Variants in BANK1 observed in about 807,000 individuals in gnomAD.
BANK1 encodes the protein B-cell scaffold protein with ankyrin repeats.
In BANK1, 95 loss-of-function variants were observed where a neutral mutation model predicts 94.5. The observed-to-expected ratio is 1.00, with a 90% CI of 0.85 to 1.19. The LOEUF is 1.19. Ranked by LOEUF, BANK1 falls within the 50% of genes most tolerant of loss-of-function variation. The pLI is 0.00. For synonymous variants in BANK1, 334 were observed against 308.4 expected (o/e 1.08, Z -0.87); for missense variants, 987 against 932.2 (o/e 1.06, Z -0.77).
chr4:102,056,189 T>A (rs1728222826), intron 11 of BANK1, among the ~76,000 whole-genome samples: 1 of 152,168 alleles, frequency 6.6e-6, no homozygotes, highest in Admixed American at 6.5e-5. Flanking sequence ...AGACTGTACA[T>A]GACAACACAT....
chr4:101,800,290 AAAAG>A (rs1725316068), intron 1 of BANK1, among the ~76,000 whole-genome samples: 1 of 152,110 alleles, frequency 6.6e-6, no homozygotes, highest in Admixed American at 6.5e-5. Flanking sequence ...TTTAAAAAAA[AAAAG>A]AAAAGAAAAA....
At chr4:101,912,330 AGG>A (rs1722689723) in intron 6 of BANK1, among the ~76,000 whole-genome samples, 1 of 152,098 alleles carries the variant, frequency 6.6e-6, no homozygotes, top group African/African-American at 2.4e-5. Flanking sequence ...AAAAATCTTA[AGG>A]TTTGAAAACT....
chr4:101,996,411 C>T (rs182857495), intron 7 of BANK1, among the ~76,000 whole-genome samples: 1 of 152,246 alleles, frequency 6.6e-6, no homozygotes, highest in East Asian at 1.9e-4. Context: ...GCTATATGGG[C>T]TCTTTTTTGA....
At chr4:101,874,351 A>C (rs531788039) in intron 5 of BANK1, among the ~76,000 whole-genome samples, 16 of 152,200 alleles carry the variant, frequency 1.1e-4, no homozygotes, top group Non-Finnish European at 2.2e-4. Context: ...TCATTGAATT[A>C]AAGCTTAGAT....
intron 4 of BANK1, among the ~76,000 whole-genome samples, chr4:101,864,685 C>G (rs1578365080): frequency 6.6e-6 from 1 of 152,098 alleles, no homozygotes; most frequent in African/African-American, 2.4e-5. Flanking sequence ...TTTATGGGAG[C>G]CTTCAGAAAT....
At chr4:101,861,324 G>A (rs1305537030) in intron 3 of BANK1, among the ~76,000 whole-genome samples, 1 of 152,138 alleles carries the variant, frequency 6.6e-6, no homozygotes, top group Non-Finnish European at 1.5e-5. Context: ...AGTTTTATTG[G>A]TGAGTAATTT....
chr4:101,837,165 TTTGA>T (rs746676445), intron 2 of BANK1, among the ~76,000 whole-genome samples: 5 of 152,368 alleles, frequency 3.3e-5, no homozygotes, highest in African/African-American at 9.6e-5. Context: ...AAACACTTAC[TTTGA>T]TTGTTCACAA....
At chr4:102,034,599 G>A (rs1727437168) in intron 10 of BANK1, among the ~76,000 whole-genome samples, 1 of 152,176 alleles carries the variant, frequency 6.6e-6, no homozygotes, top group Non-Finnish European at 1.5e-5. Flanking sequence ...AGTAGTGCTG[G>A]AGTGTGTGAG....
intron 7 of BANK1, among the ~76,000 whole-genome samples, chr4:101,936,397 A>G (rs973140516): frequency 2.7e-5 from 4 of 150,224 alleles, no homozygotes; most frequent in African/African-American, 9.7e-5. Context: ...ACATGCATGT[A>G]TATATGTGCG....
chr4:101,907,322 G>C (rs1056638047), intron 6 of BANK1, among the ~76,000 whole-genome samples: 1 of 152,188 alleles, frequency 6.6e-6, no homozygotes, highest in Non-Finnish European at 1.5e-5. Context: ...TATCTCAATA[G>C]ATGCAGAAAA....
At chr4:101,958,138 T>C (rs530727463) in intron 7 of BANK1, among the ~76,000 whole-genome samples, 1 of 152,192 alleles carries the variant, frequency 6.6e-6, no homozygotes, top group South Asian at 2.1e-4. Context: ...GAGCCACCGC[T>C]CCTGGCCTAG....
chr4:101,854,930 T>C, intron 2 of BANK1, 105 bp from the exon 3 acceptor site: 4 of 818,402 alleles, frequency 4.9e-6, no homozygotes, highest in Non-Finnish European at 7.7e-6. Flanking sequence ...TCAGTTCGGT[T>C]TCCCGTATAT....
intron 9 of BANK1, 38 bp from the exon 10 acceptor site, chr4:102,029,922 A>T: frequency 1.3e-6 from 2 of 1,546,638 alleles, no homozygotes; most frequent in Non-Finnish European, 1.7e-6. Flanking sequence ...GTTGCATGTA[A>T]CAGAAGAGTA....
intron 5 of BANK1, among the ~76,000 whole-genome samples, chr4:101,892,455 A>G (rs1472540434): frequency 6.6e-6 from 1 of 151,192 alleles, no homozygotes; most frequent in African/African-American, 2.4e-5. Context: ...TGGTTATTTC[A>G]TTTCTCAGTC....
intron 1 of BANK1, among the ~76,000 whole-genome samples, chr4:101,800,663 C>T (rs1435627356): frequency 2.0e-5 from 3 of 152,214 alleles, no homozygotes; most frequent in African/African-American, 7.2e-5. Context: ...AAGAGACTGA[C>T]TATTGCTAGA....
At chr4:101,928,230 A>G (rs2148904216) in intron 7 of BANK1, among the ~76,000 whole-genome samples, 1 of 151,722 alleles carries the variant, frequency 6.6e-6, no homozygotes, top group East Asian at 2.0e-4. Context: ...TTTTGCTCTA[A>G]TTTAGTTTGT....
At chr4:101,940,250 G>GAAA (rs5860704) in intron 7 of BANK1, among the ~76,000 whole-genome samples, 1 of 146,966 alleles carries the variant, frequency 6.8e-6, no homozygotes. Context: ...TTCTAAGCAG[G>GAAA]AAAAAAAAAA....
intron 4 of BANK1, among the ~76,000 whole-genome samples, chr4:101,867,521 C>T (rs949958502): frequency 6.6e-6 from 1 of 151,778 alleles, no homozygotes; most frequent in African/African-American, 2.4e-5. Flanking sequence ...ATTTCATTTT[C>T]CTTATTTTTA....
intron 7 of BANK1, among the ~76,000 whole-genome samples, chr4:101,989,054 T>G (rs978714862): frequency 1.3e-5 from 2 of 152,122 alleles, no homozygotes; most frequent in African/African-American, 4.8e-5. Context: ...CTGGCCACAA[T>G]GGCACCCACC....
Sources: allele counts gnomAD v4.1 joint callset (sites outside exome capture counted in the v4.1 genomes callset), GRCh38; gene constraint gnomAD v4.1.1; transcripts MANE v1.5; gene names NCBI Gene and HGNC (gene_info 2026-07-23, HGNC 2026-07-21).